SORCS1: variants seen among roughly 807,000 people sequenced by gnomAD.
SORCS1 encodes the protein sortilin related VPS10 domain containing receptor 1.
Under a neutral mutation model 146.1 loss-of-function variants are expected in SORCS1, and 60 were observed. The ratio of observed to expected loss-of-function variants is 0.41; its 90% CI spans 0.33 to 0.51. The LOEUF (loss-of-function observed/expected upper bound fraction) is 0.51, where lower values mean the gene tolerates loss of function less well. Ranked by LOEUF, SORCS1 falls within the 20% of genes least tolerant of loss-of-function variation. The pLI is 0.21. For synonymous variants in SORCS1, 637 were observed against 584.0 expected (o/e 1.09, Z -1.31); for missense variants, 1,352 against 1,487.6 (o/e 0.91, Z 1.50).
At chr10:106,855,649 C>T (rs1182902343) in intron 2 of SORCS1, among the ~76,000 whole-genome samples, 3 of 152,116 alleles carry the variant, frequency 2.0e-5, no homozygotes, top group Non-Finnish European at 2.9e-5. Flanking sequence ...CAGCCATGTC[C>T]AGTCTACCAA....
At chr10:106,989,670 G>GGTTTT (rs1956666511) in intron 1 of SORCS1, among the ~76,000 whole-genome samples, 1 of 116,450 alleles carries the variant, frequency 8.6e-6, no homozygotes, top group Admixed American at 8.3e-5. Context: ...TATTTTTTCT[G>GGTTTT]TTTTTTTTTG....
At chr10:107,158,599 G>A (rs1196237251) in intron 1 of SORCS1, among the ~76,000 whole-genome samples, 3 of 152,150 alleles carry the variant, frequency 2.0e-5, no homozygotes, top group Non-Finnish European at 4.4e-5. Context: ...TACATCTCCT[G>A]CTGTCTCTTA....
intron 1 of SORCS1, among the ~76,000 whole-genome samples, chr10:107,043,032 T>G (rs905382297): frequency 2.6e-5 from 4 of 152,216 alleles, no homozygotes; most frequent in Admixed American, 2.6e-4. Context: ...GATCCCAGGC[T>G]TCTAATTCAT....
chr10:107,069,187 T>A (rs1015629407), intron 1 of SORCS1, among the ~76,000 whole-genome samples: 3 of 152,066 alleles, frequency 2.0e-5, no homozygotes, highest in Admixed American at 1.3e-4. Context: ...AAGGTGGTCA[T>A]CCCGGATATG....
chr10:106,636,443 C>T (rs986535506), intron 18 of SORCS1, among the ~76,000 whole-genome samples: 1 of 152,100 alleles, frequency 6.6e-6, no homozygotes, highest in Non-Finnish European at 1.5e-5. Flanking sequence ...TAAAGAACTG[C>T]CTGAGACTGG....
chr10:107,104,579 G>GAA (rs1016426711), intron 1 of SORCS1, among the ~76,000 whole-genome samples: 1 of 150,572 alleles, frequency 6.6e-6, no homozygotes, highest in Non-Finnish European at 1.5e-5. Context: ...TCCCAGAAAA[G>GAA]AAAAAAAAAG....
intron 22 of SORCS1, 45 bp downstream of exon 22, chr10:106,611,866 G>T: frequency 7.1e-7 from 1 of 1,408,956 alleles, no homozygotes; most frequent in Non-Finnish European, 1.0e-6. Context: ...TTCAAGGACA[G>T]AGAGAAAAGG....
intron 2 of SORCS1, among the ~76,000 whole-genome samples, chr10:106,907,837 G>T (rs1031150728): frequency 6.6e-6 from 1 of 151,054 alleles, no homozygotes; most frequent in African/African-American, 2.4e-5. Flanking sequence ...TGAGGCAGGA[G>T]AATCGCTTGA....
intron 3 of SORCS1, among the ~76,000 whole-genome samples, chr10:106,822,931 C>CCACCG (rs143054333): frequency 0.099 from 14,967 of 151,586 alleles, 893 homozygotes; most frequent in South Asian, 0.16. Flanking sequence ...CAGGCACCTG[C>CCACCG]CACCGCACCC....
At chr10:107,170,173 C>A in the SORCS1 span, among the ~76,000 whole-genome samples, 2 of 152,096 alleles carry the variant, frequency 1.3e-5, no homozygotes, top group Non-Finnish European at 2.9e-5. Flanking sequence ...AATGTAACTT[C>A]TGTGTTCTCT....
At chr10:106,618,397 C>CATAGAGGG in intron 20 of SORCS1, 125 bp from the exon 21 acceptor site, 6 of 1,204,882 alleles carry the variant, frequency 5.0e-6, no homozygotes, top group Non-Finnish European at 5.8e-6. Context: ...ACCACAATGG[C>CATAGAGGG]ACTGAGTCCC....
intron 1 of SORCS1, among the ~76,000 whole-genome samples, chr10:106,972,515 A>G (rs1564873303): frequency 6.6e-6 from 1 of 151,912 alleles, no homozygotes; most frequent in Middle Eastern, 3.4e-3. Context: ...CTTTACAGCA[A>G]TATGTCTTAC....
At chr10:107,114,196 G>T (rs2485198) in intron 1 of SORCS1, among the ~76,000 whole-genome samples, 11,991 of 152,058 alleles carry the variant, frequency 0.079, 1,252 homozygotes, top group African/African-American at 0.24. Flanking sequence ...TATACCAAAC[G>T]TTTAAATAAT....
At chr10:107,112,268 C>T (rs193292166) in intron 1 of SORCS1, among the ~76,000 whole-genome samples, 4 of 152,062 alleles carry the variant, frequency 2.6e-5, no homozygotes, top group African/African-American at 9.6e-5. Flanking sequence ...GCAGTACAAA[C>T]ATAGAGTTCT....
intron 1 of SORCS1, among the ~76,000 whole-genome samples, chr10:107,002,208 A>T (rs1443388363): frequency 1.3e-5 from 2 of 152,346 alleles, no homozygotes; most frequent in East Asian, 1.9e-4. Context: ...TTTTGAATAT[A>T]GCCCTAAGTA....
At chr10:106,857,208 C>A (rs1003189820) in intron 2 of SORCS1, among the ~76,000 whole-genome samples, 1 of 152,172 alleles carries the variant, frequency 6.6e-6, no homozygotes, top group Non-Finnish European at 1.5e-5. Flanking sequence ...CTAATGGGCA[C>A]GTACTGAACC....
At chr10:106,861,066 T>C (rs1255544106) in intron 2 of SORCS1, among the ~76,000 whole-genome samples, 1 of 152,174 alleles carries the variant, frequency 6.6e-6, no homozygotes, top group Non-Finnish European at 1.5e-5. Flanking sequence ...CGGTACTCAG[T>C]TGGCTGAAGA....
intron 25 of SORCS1, 144 bp downstream of exon 25, chr10:106,579,225 G>T (rs1335456418): frequency 6.2e-7 from 1 of 1,613,926 alleles, no homozygotes; most frequent in Non-Finnish European, 8.5e-7. Context: ...CTGCATCTGG[G>T]CATAAACATT....
At chr10:106,791,697 C>T (rs1357345327) in intron 3 of SORCS1, among the ~76,000 whole-genome samples, 2 of 151,882 alleles carry the variant, frequency 1.3e-5, no homozygotes, top group African/African-American at 2.4e-5. Flanking sequence ...GACATTATTT[C>T]GACAAAAACA....
Sources: allele counts gnomAD v4.1 joint callset (sites outside exome capture counted in the v4.1 genomes callset), GRCh38; gene constraint gnomAD v4.1.1; transcripts MANE v1.5; gene names NCBI Gene and HGNC (gene_info 2026-07-23, HGNC 2026-07-21).